The following DPYS variants were observed in gnomAD, a reference collection of about 807,000 sequenced individuals.
DPYS encodes dihydropyrimidinase, also known as dihydropyrimidine amidohydrolase.
A neutral mutation model predicts 50.3 loss-of-function variants in DPYS; 39 were observed. That is an observed-to-expected ratio of 0.78 (90% CI 0.60 to 1.01). The LOEUF (loss-of-function observed/expected upper bound fraction) is 1.01, where lower values mean the gene tolerates loss of function less well. Ranked by LOEUF, DPYS falls within the 50% of genes least tolerant of loss-of-function variation. The pLI, the probability that DPYS is intolerant of heterozygous loss-of-function variation, is 0.00. For synonymous variants in DPYS, 245 were observed against 250.7 expected (o/e 0.98, Z 0.22); for missense variants, 659 against 680.9 (o/e 0.97, Z 0.36).
chr8:104,394,992 A>G (rs760907339), intron 7 of DPYS, among the ~76,000 whole-genome samples: 53 of 151,524 alleles, frequency 3.5e-4, no homozygotes, highest in Non-Finnish European at 8.8e-5. Context: ...GATTTTTTTT[A>G]ATTTTAATTT....
chr8:104,402,219 C>G (rs1811840840), intron 7 of DPYS, among the ~76,000 whole-genome samples: 1 of 152,130 alleles, frequency 6.6e-6, no homozygotes, highest in Non-Finnish European at 1.5e-5. Context: ...ACTGAGCAAA[C>G]AGAGGTATTT....
intron 4 of DPYS, among the ~76,000 whole-genome samples, chr8:104,430,485 C>G (rs905025817): frequency 6.6e-6 from 1 of 152,154 alleles, no homozygotes; most frequent in African/African-American, 2.4e-5. Context: ...TCAACCTGAT[C>G]AAATTCAGGC....
At chr8:104,390,832 C>T (rs1409292822) in intron 8 of DPYS, among the ~76,000 whole-genome samples, 1 of 152,094 alleles carries the variant, frequency 6.6e-6, no homozygotes, top group Non-Finnish European at 1.5e-5. Flanking sequence ...AAATACCTCC[C>T]TCCCTCCCAG....
intron 1 of DPYS, among the ~76,000 whole-genome samples, chr8:104,464,629 T>C (rs1564118568): frequency 6.6e-6 from 1 of 152,190 alleles, no homozygotes; most frequent in Non-Finnish European, 1.5e-5. Flanking sequence ...GACTGAAAAC[T>C]GCAAGTTCTG....
intron 1 of DPYS, among the ~76,000 whole-genome samples, chr8:104,456,267 C>T (rs192461080): frequency 3.5e-4 from 53 of 152,222 alleles, no homozygotes; most frequent in Admixed American, 3.1e-3. Flanking sequence ...AGAATGTATT[C>T]CTGCTATTAA....
At chr8:104,445,649 G>A (rs1813499882) in intron 3 of DPYS, among the ~76,000 whole-genome samples, 2 of 152,074 alleles carry the variant, frequency 1.3e-5, no homozygotes, top group Non-Finnish European at 1.5e-5. Context: ...ATGGCGGTGG[G>A]GAGAGGGGGG....
intron 3 of DPYS, among the ~76,000 whole-genome samples, chr8:104,446,477 G>A (rs186120900): frequency 1.3e-5 from 2 of 152,236 alleles, no homozygotes; most frequent in East Asian, 3.9e-4. Context: ...CCACTAAATG[G>A]TATTGGACCT....
chr8:104,455,449 G>A (rs530483497), intron 1 of DPYS, among the ~76,000 whole-genome samples: 1 of 152,320 alleles, frequency 6.6e-6, no homozygotes, highest in Admixed American at 6.5e-5. Flanking sequence ...ATTTGACTAG[G>A]ATGAGTGAGA....
At chr8:104,415,006 G>T (rs1812318191) in intron 7 of DPYS, among the ~76,000 whole-genome samples, 1 of 152,174 alleles carries the variant, frequency 6.6e-6, no homozygotes, top group South Asian at 2.1e-4. Flanking sequence ...TTCAAAGGGG[G>T]GAAGAATGTA....
intron 1 of DPYS, among the ~76,000 whole-genome samples, chr8:104,451,846 C>T (rs1027476478): frequency 2.6e-5 from 4 of 152,188 alleles, no homozygotes; most frequent in Admixed American, 6.5e-5. Context: ...TACATGGTTC[C>T]GGTCTTGCCT....
intron 7 of DPYS, among the ~76,000 whole-genome samples, chr8:104,406,334 T>C (rs891930932): frequency 2.0e-5 from 3 of 152,328 alleles, no homozygotes; most frequent in Non-Finnish European, 2.9e-5. Flanking sequence ...GCACTGATGA[T>C]GGCATCTATA....
chr8:104,399,226 G>T lies in DPYS; in HGVS notation c.1236-6235C>A, dbSNP rs1021980615. Among the ~76,000 whole-genome samples, 8 of 145,930 alleles carry T rather than the reference G, an allele frequency of 5.5e-5. 1 individual carries two copies. Among genetic ancestry groups the T allele is most frequent in the African/African-American group, 2.0e-4 (8 of 39,700 alleles). ...GAATCAGTTGAACCTGGGGGGTGGA[G>T]GTTGCAGTGAGCCAAGATGGTACCA... is the stretch of plus-strand genomic sequence containing the variant. On this transcript the variant is annotated intron_variant, in intron 7 of 9. Coordinates refer to ENST00000351513, the MANE Select transcript of DPYS (RefSeq NM_001385.3).
intron 7 of DPYS, among the ~76,000 whole-genome samples, chr8:104,401,816 T>C (rs913908716): frequency 3.3e-5 from 5 of 152,218 alleles, no homozygotes; most frequent in African/African-American, 9.6e-5. Context: ...AAATGCTAAA[T>C]GGTGCTGCTT....
At chr8:104,402,953 A>G (rs1811869412) in intron 7 of DPYS, among the ~76,000 whole-genome samples, 1 of 152,220 alleles carries the variant, frequency 6.6e-6, no homozygotes, top group Non-Finnish European at 1.5e-5. Context: ...CCAATCATCT[A>G]TCGCCTGAGA....
chr8:104,399,131 A>G (rs1230757098), intron 7 of DPYS, among the ~76,000 whole-genome samples: 5 of 152,000 alleles, frequency 3.3e-5, no homozygotes, highest in African/African-American at 1.2e-4. Context: ...TCTCTACTAA[A>G]AATACAAAAG....
chr8:104,401,411 C>G (rs1179750999), intron 7 of DPYS, among the ~76,000 whole-genome samples: 1 of 151,776 alleles, frequency 6.6e-6, no homozygotes, highest in Admixed American at 6.6e-5. Context: ...GTTCATGTAG[C>G]TGAGATATAA....
intron 6 of DPYS, 49 bp from the exon 7 acceptor site, chr8:104,424,438 A>G (rs368934578): frequency 5.0e-6 from 8 of 1,587,904 alleles, no homozygotes; most frequent in African/African-American, 1.3e-5. Context: ...ACTAAAAAGT[A>G]TCCTATCGAT....
intron 1 of DPYS, among the ~76,000 whole-genome samples, chr8:104,460,232 C>A (rs1814075553): frequency 6.6e-6 from 1 of 152,150 alleles, no homozygotes; most frequent in South Asian, 2.1e-4. Flanking sequence ...ACCCAAATCT[C>A]AAGTTGAATT....
chr8:104,402,395 A>C (rs1179731845), intron 7 of DPYS, among the ~76,000 whole-genome samples: 1 of 152,216 alleles, frequency 6.6e-6, no homozygotes, highest in Non-Finnish European at 1.5e-5. Flanking sequence ...CCAAGCTAGC[A>C]TGATACTAGG....
Sources: allele counts gnomAD v4.1 joint callset (sites outside exome capture counted in the v4.1 genomes callset), GRCh38; gene constraint gnomAD v4.1.1; transcripts MANE v1.5; gene names NCBI Gene and HGNC (gene_info 2026-07-23, HGNC 2026-07-21).